Variants in DNAH9 observed in about 807,000 individuals in gnomAD.
DNAH9 encodes the protein DNAH9 variant protein.
DNAH9 carries 345 observed loss-of-function variants against 471.6 expected under a neutral mutation model. The ratio of observed to expected loss-of-function variants is 0.73; its 90% CI spans 0.67 to 0.80. DNAH9 has a LOEUF of 0.80. Among genes scored for constraint, DNAH9 ranks in the 30% least tolerant of loss-of-function variants. The pLI is 0.00. For missense variants in DNAH9, 5,407 were observed against 5,609.2 expected, an observed-to-expected ratio of 0.96 and a Z score of 1.15; for synonymous variants, 2,093 against 2,123.6, an observed-to-expected ratio of 0.99 and a Z score of 0.40.
intron 42 of DNAH9, 101 bp downstream of exon 42, chr17:11,793,765 G>A (rs1241356457): frequency 1.9e-6 from 2 of 1,060,258 alleles, no homozygotes; most frequent in Non-Finnish European, 2.7e-6. Flanking sequence ...ATGGAGAAAG[G>A]CCAGAGTTTA....
At chr17:11,678,001 G>A (rs909402523) in intron 17 of DNAH9, among the ~76,000 whole-genome samples, 2 of 37,170 alleles carry the variant, frequency 5.4e-5, no homozygotes, top group South Asian at 1.2e-3. Context: ...TAAGCCCCAG[G>A]AACTATATAT....
chr17:11,805,606 G>A (rs971553548), intron 43 of DNAH9, among the ~76,000 whole-genome samples: 6 of 132,076 alleles, frequency 4.5e-5, no homozygotes, highest in African/African-American at 1.7e-4. Flanking sequence ...GGAGTGCAGT[G>A]GAGCGATCTT....
At chr17:11,741,831 A>G (rs913937382) in intron 29 of DNAH9, among the ~76,000 whole-genome samples, 3 of 152,168 alleles carry the variant, frequency 2.0e-5, no homozygotes, top group Non-Finnish European at 4.4e-5. Context: ...TTGCTTTACT[A>G]ATTCATGCCT....
intron 14 of DNAH9, among the ~76,000 whole-genome samples, chr17:11,662,908 A>ACC (rs1567700422): frequency 6.0e-5 from 9 of 151,084 alleles, no homozygotes; most frequent in African/African-American, 2.2e-4. Context: ...GGCGCCCGCC[A>ACC]CTATGCCTGG....
chr17:11,682,737 G>A (rs992413070), intron 19 of DNAH9, among the ~76,000 whole-genome samples: 8 of 152,098 alleles, frequency 5.3e-5, no homozygotes, highest in African/African-American at 1.4e-4. Context: ...TTCTGGAGGC[G>A]AGACCTGTGA....
intron 2 of DNAH9, 98 bp downstream of exon 2, chr17:11,608,423 C>A: frequency 2.1e-6 from 2 of 935,990 alleles, no homozygotes; most frequent in South Asian, 1.6e-5. Context: ...TGACTCTGCA[C>A]ATCTCCTCGT....
intron 38 of DNAH9, among the ~76,000 whole-genome samples, chr17:11,777,958 T>C (rs1205503676): frequency 1.3e-5 from 2 of 151,888 alleles, no homozygotes; most frequent in African/African-American, 4.8e-5. Flanking sequence ...CACAAGATAA[T>C]AAGTAAAGAT....
Position 11,768,742 on chromosome 17 carries a change from A to T in DNAH9, c.7344+116A>T, listed in dbSNP as rs557310483. ...CATTTGTCCTTGCTAGGAACTAGTC[A>T]TCCCCAGCTCCATGACTTTGCAGAG... On this transcript the variant is annotated intron_variant, in intron 37 of 68. Transcript: ENST00000262442. 2.2e-5 allele frequency: 28 copies of T among 1,280,508 alleles called. 1 individual carries two copies. In the African/African-American group the frequency reaches 3.1e-4, roughly 14 times the overall value. The allele number at this position is 1,280,508 out of a possible 1,614,324, so 79.3% of individuals were successfully genotyped here.
At chr17:11,665,486 T>C (rs1308561662) in intron 15 of DNAH9, among the ~76,000 whole-genome samples, 3 of 152,188 alleles carry the variant, frequency 2.0e-5, no homozygotes, top group Non-Finnish European at 4.4e-5. Context: ...GAGGTAATTT[T>C]CAGAAGAAAA....
intron 67 of DNAH9, among the ~76,000 whole-genome samples, chr17:11,957,987 C>A (rs1446414682): frequency 1.3e-5 from 2 of 152,082 alleles, no homozygotes; most frequent in African/African-American, 2.4e-5. Flanking sequence ...CAGCATTATT[C>A]GTAACTGCCA....
intron 51 of DNAH9, among the ~76,000 whole-genome samples, chr17:11,870,290 A>T (rs1367591165): frequency 6.6e-6 from 1 of 152,178 alleles, no homozygotes; most frequent in Admixed American, 6.5e-5. Flanking sequence ...TAAATCTCCT[A>T]TGGCTTGTAT....
In DNAH9 at chr17:11,623,961, T is replaced by C. The variant is rs769341286; in HGVS notation, c.1350+4180T>C. 6.6e-6 allele frequency among the ~76,000 whole-genome samples: 1 copy of C among 152,186 alleles called. No individual in the cohort carries two copies. Among genetic ancestry groups the C allele is most frequent in the Non-Finnish European group, 1.5e-5 (1 of 68,044 alleles). On this transcript the variant is annotated intron_variant, in intron 6 of 68. Coordinates refer to ENST00000262442, the MANE Select transcript of DNAH9 (RefSeq NM_001372.4). This position sits in a 1 kb window ranked among gnomAD's most constrained non-coding sequence, Gnocchi z 4.1. ...CATCCACTCTTCCTCTCTGGGTGCC[T>C]GCTAAATGCCAGAGGTGGGGCTGGC...
chr17:11,755,632 C>A (rs1298076220), intron 33 of DNAH9, among the ~76,000 whole-genome samples: 1 of 141,308 alleles, frequency 7.1e-6, no homozygotes, highest in East Asian at 2.1e-4. Context: ...TCATTCAAAT[C>A]ACCAACATCA....
chr17:11,771,449 G>A (rs182889788), intron 38 of DNAH9, among the ~76,000 whole-genome samples: 89 of 152,222 alleles, frequency 5.8e-4, no homozygotes, highest in Non-Finnish European at 1.1e-3. Context: ...TTTAATAATG[G>A]TCATGTTTAA....
At chr17:11,743,017 C>T (rs1163535771) in intron 30 of DNAH9, among the ~76,000 whole-genome samples, 3 of 152,158 alleles carry the variant, frequency 2.0e-5, no homozygotes, top group Non-Finnish European at 4.4e-5. Context: ...ACTTTTACGG[C>T]TTTATCCCAA....
chr17:11,847,678 A>AT (rs1181787742), intron 49 of DNAH9, among the ~76,000 whole-genome samples: 1 of 152,206 alleles, frequency 6.6e-6, no homozygotes, highest in Non-Finnish European at 1.5e-5. Context: ...GCTCTCGTGA[A>AT]TTGTACTGGG....
rs767886506 is a variant in DNAH9, at chr17:11,598,808, C to T, written c.310C>T (p.Leu104Phe). 2.7e-6 allele frequency: 4 copies of T among 1,480,974 alleles called. No homozygotes were observed. The highest frequency in any genetic ancestry group is 5.6e-5 in the East Asian group (2 of 35,628). The allele number at this position is 1,480,974 out of a possible 1,614,324, so 91.7% of individuals were successfully genotyped here. A position where few individuals can be genotyped will look rare whatever the true frequency, so the allele number is the denominator to read the frequency against. ...GLAGAKALFF[L>F]RTGPEPPGPD... ...GGCTGGCGCTAAGGCGCTTTTTTTC[C>T]TTCGCACCGGGCCCGAGCCTCCAGG... The change falls in exon 1 of 69, where the codon CTT becomes TTT. Residue 104 changes from leucine to phenylalanine, a missense_variant. Physicochemically the swap from Leu to Phe is conservative, Grantham distance 22. Transcript: ENST00000262442.
intron 67 of DNAH9, among the ~76,000 whole-genome samples, chr17:11,944,276 A>G (rs566656575): frequency 2.0e-5 from 3 of 152,200 alleles, no homozygotes; most frequent in Non-Finnish European, 2.9e-5. Context: ...AAACAGACAC[A>G]CACACTGATA....
chr17:11,898,951 CA>C (rs1268543763), intron 59 of DNAH9, among the ~76,000 whole-genome samples: 1 of 152,122 alleles, frequency 6.6e-6, no homozygotes, highest in African/African-American at 2.4e-5. Context: ...TCTGGCTGTT[CA>C]AAGGCTTTTG....
Sources: gnomAD v4.1 joint callset for allele counts (sites outside exome capture counted in the v4.1 genomes callset) on GRCh38, gnomAD v4.1.1 for gene constraint, Gnocchi (gnomAD v3.1) non-coding constraint, MANE v1.5 for transcripts, NCBI Gene and HGNC (gene_info 2026-07-23, HGNC 2026-07-21) for gene names.